BCKDHB: variants seen among roughly 807,000 people sequenced by gnomAD.
The protein encoded by BCKDHB is 2-oxoisovalerate dehydrogenase subunit beta, mitochondrial.
A neutral mutation model predicts 48.5 loss-of-function variants in BCKDHB; 41 were observed. The ratio of observed to expected loss-of-function variants is 0.85; its 90% CI spans 0.66 to 1.10. The LOEUF is 1.10. BCKDHB is among the 50% of genes least tolerant of loss of function. The pLI is 0.00. For missense variants in BCKDHB, 496 were observed against 494.2 expected (o/e 1.00, Z -0.03); for synonymous variants, 201 against 174.8 (o/e 1.15, Z -1.18).
chr6:80,167,106 T>G (rs1356825206), intron 3 of BCKDHB, among the ~76,000 whole-genome samples: 4 of 152,314 alleles, frequency 2.6e-5, no homozygotes, highest in East Asian at 1.9e-4. Flanking sequence ...TTCTTGTGAA[T>G]TGAACCCTTT....
chr6:80,138,167 C>T (rs1447992236), intron 3 of BCKDHB, among the ~76,000 whole-genome samples: 3 of 152,028 alleles, frequency 2.0e-5, no homozygotes, highest in African/African-American at 7.2e-5. Context: ...TGGAGTTGCT[C>T]AGTGGCAAGT....
intron 8 of BCKDHB, among the ~76,000 whole-genome samples, chr6:80,235,098 C>T (rs1305142715): frequency 2.0e-5 from 3 of 152,072 alleles, no homozygotes; most frequent in Non-Finnish European, 4.4e-5. Context: ...TCCAGTAACA[C>T]AGTAGGGTGA....
chr6:80,322,890 TTTTTTC>T (rs1203166185), intron 9 of BCKDHB, among the ~76,000 whole-genome samples: 1 of 124,830 alleles, frequency 8.0e-6, no homozygotes, highest in Non-Finnish European at 1.6e-5. Flanking sequence ...TTTTTTTTTC[TTTTTTC>T]TTTTTTTTTT....
At chr6:80,284,526 CAT>C (rs1314046636) in intron 9 of BCKDHB, among the ~76,000 whole-genome samples, 2 of 152,060 alleles carry the variant, frequency 1.3e-5, no homozygotes, top group African/African-American at 2.4e-5. Context: ...TTTGAAGAGA[CAT>C]AACTTTTTTG....
At position 80,145,659 on chromosome 6, in the gene BCKDHB, C is replaced by T. The variant is rs538301051; in HGVS notation, c.343+16430C>T. On this transcript the variant is annotated intron_variant, in intron 3 of 9. Transcript: ENST00000320393. Reference sequence around the variant, plus strand: ...TTTAAAATAGCCTTGGTTCCACTGACACATGTGATGTGATTGCTGGACCAA... The same window carrying T: ...TTTAAAATAGCCTTGGTTCCACTGATACATGTGATGTGATTGCTGGACCAA... 2.0e-5 allele frequency among the ~76,000 whole-genome samples: 3 copies of T among 152,234 alleles called. No homozygotes were observed. In the East Asian group the frequency reaches 5.8e-4, roughly 29 times the overall value.
intron 8 of BCKDHB, among the ~76,000 whole-genome samples, chr6:80,242,321 T>C (rs1159203579): frequency 6.6e-6 from 1 of 152,162 alleles, no homozygotes; most frequent in East Asian, 1.9e-4. Context: ...CGTGGATTTG[T>C]TCATGGGCTG....
At chr6:80,408,187 C>T in the BCKDHB span, among the ~76,000 whole-genome samples, 2 of 152,294 alleles carry the variant, frequency 1.3e-5, no homozygotes, top group East Asian at 3.9e-4. Context: ...ACCAGGCTTG[C>T]ATCCCAGGTA....
chr6:80,371,084 G>A, the BCKDHB span, among the ~76,000 whole-genome samples: 4 of 152,046 alleles, frequency 2.6e-5, no homozygotes, highest in Non-Finnish European at 4.4e-5. Flanking sequence ...CATAGTGGTT[G>A]TACTAGTTTA....
chr6:80,307,851 C>G, intron 9 of BCKDHB: 2 of 982,664 alleles, frequency 2.0e-6, no homozygotes, highest in Non-Finnish European at 2.4e-6. Context: ...TTTTGGACTA[C>G]TTAACACTGC....
At chr6:80,161,677 C>G (rs940633343) in intron 3 of BCKDHB, among the ~76,000 whole-genome samples, 1 of 152,170 alleles carries the variant, frequency 6.6e-6, no homozygotes, top group Non-Finnish European at 1.5e-5. Context: ...TTTCAATATT[C>G]TGGCTTCTCA....
intron 8 of BCKDHB, among the ~76,000 whole-genome samples, chr6:80,238,263 A>G (rs945693297): frequency 4.6e-5 from 7 of 152,088 alleles, no homozygotes; most frequent in Non-Finnish European, 8.8e-5. Flanking sequence ...ACACCCGGCT[A>G]GTTTTTGTAT....
intron 6 of BCKDHB, among the ~76,000 whole-genome samples, chr6:80,179,195 G>A (rs572219348): frequency 1.1e-4 from 17 of 151,748 alleles, no homozygotes; most frequent in South Asian, 2.1e-4. Context: ...GCTAATTTTC[G>A]TATTTCTCAA....
intron 3 of BCKDHB, among the ~76,000 whole-genome samples, chr6:80,136,550 T>G (rs919460414): frequency 6.6e-6 from 1 of 152,128 alleles, no homozygotes; most frequent in Admixed American, 6.5e-5. Context: ...GATTTGATAA[T>G]GACTTTTTAA....
chr6:80,132,459 C>T (rs2127731578), intron 3 of BCKDHB, among the ~76,000 whole-genome samples: 1 of 152,278 alleles, frequency 6.6e-6, no homozygotes, highest in African/African-American at 2.4e-5. Context: ...CAGTGTCCTA[C>T]TGTCTCAGGA....
At chr6:80,172,464 GTAA>G (rs769892336) in intron 6 of BCKDHB, among the ~76,000 whole-genome samples, 1 of 151,888 alleles carries the variant, frequency 6.6e-6, no homozygotes, top group Admixed American at 6.6e-5. Context: ...TTACTACTAA[GTAA>G]TAATAATTTT....
At chr6:80,259,688 G>A (rs1427408306) in intron 8 of BCKDHB, among the ~76,000 whole-genome samples, 4 of 152,052 alleles carry the variant, frequency 2.6e-5, no homozygotes, top group Non-Finnish European at 5.9e-5. Context: ...TAATTTATTG[G>A]AAATAACGAT....
the BCKDHB span, among the ~76,000 whole-genome samples, chr6:80,458,979 A>G: frequency 6.6e-6 from 1 of 152,180 alleles, no homozygotes; most frequent in South Asian, 2.1e-4. Context: ...ACAAAATATA[A>G]TAAGTGCTGT....
the BCKDHB span, among the ~76,000 whole-genome samples, chr6:80,386,694 T>G: frequency 3.9e-5 from 6 of 152,338 alleles, no homozygotes; most frequent in Non-Finnish European, 7.3e-5. Context: ...ATCAGAATAG[T>G]AGGACTTGTG....
At chr6:80,220,221 A>C (rs1033769575) in intron 8 of BCKDHB, among the ~76,000 whole-genome samples, 4 of 146,216 alleles carry the variant, frequency 2.7e-5, no homozygotes, top group African/African-American at 1.0e-4. Context: ...CCTTTATTGT[A>C]TCATTTAATT....
Sources: gnomAD v4.1 joint callset for allele counts (sites outside exome capture counted in the v4.1 genomes callset) on GRCh38, gnomAD v4.1.1 for gene constraint, MANE v1.5 for transcripts, NCBI Gene and HGNC (gene_info 2026-07-23, HGNC 2026-07-21) for gene names.